Variants in PCDHA9 observed in about 807,000 individuals in gnomAD.
The protein encoded by PCDHA9 is protocadherin alpha-9.
Under a neutral mutation model 62.0 loss-of-function variants are expected in PCDHA9, and 62 were observed. The ratio of observed to expected loss-of-function variants is 1.00; its 90% CI spans 0.81 to 1.23. The LOEUF (loss-of-function observed/expected upper bound fraction) is 1.23, where lower values mean the gene tolerates loss of function less well. Ranked by LOEUF, PCDHA9 falls within the 50% of genes most tolerant of loss-of-function variation. The pLI is 0.00. For missense variants in PCDHA9, 1,205 were observed against 1,249.8 expected (o/e 0.96, Z 0.54); for synonymous variants, 557 against 567.6 (o/e 0.98, Z 0.27).
chr5:140,958,637 A>G (rs2095435071), intron 1 of PCDHA9, among the ~76,000 whole-genome samples: 1 of 152,192 alleles, frequency 6.6e-6, no homozygotes. Flanking sequence ...TACTGCAGAA[A>G]ACCAATCACA....
intron 3 of PCDHA9, among the ~76,000 whole-genome samples, chr5:140,985,879 A>G (rs539308826): frequency 6.6e-6 from 1 of 151,504 alleles, no homozygotes; most frequent in Non-Finnish European, 1.5e-5. Context: ...AGCTGGGACT[A>G]CAGGCGCCCG....
chr5:140,886,327 A>G (rs2060943233), intron 1 of PCDHA9, among the ~76,000 whole-genome samples: 1 of 152,162 alleles, frequency 6.6e-6, no homozygotes, highest in Admixed American at 6.5e-5. Flanking sequence ...GTTCTGGGAT[A>G]CATGTGCAGA....
At chr5:140,884,533 G>T in intron 1 of PCDHA9, 1 of 1,614,082 alleles carries the variant, frequency 6.2e-7, no homozygotes, top group Non-Finnish European at 8.5e-7. Flanking sequence ...AGCAGAGGCG[G>T]CCGAGGGTGT....
chr5:140,898,321 G>T (rs370229202), intron 1 of PCDHA9, among the ~76,000 whole-genome samples: 1 of 151,946 alleles, frequency 6.6e-6, no homozygotes. Context: ...TTATGGTTTT[G>T]GGTCTAACGT....
intron 1 of PCDHA9, chr5:140,866,014 C>A (rs187025106): frequency 1.3e-5 from 2 of 152,026 alleles, no homozygotes; most frequent in East Asian, 3.9e-4. Flanking sequence ...TGATTTTTTT[C>A]TTGTAAGAGT....
At chr5:140,925,643 T>TAATAATAATAAG (rs1195362666) in intron 1 of PCDHA9, among the ~76,000 whole-genome samples, 1 of 99,548 alleles carries the variant, frequency 1.0e-5, no homozygotes, top group Non-Finnish European at 2.0e-5. Context: ...ACTTAAAGTA[T>TAATAATAATAAG]AATAATAATA....
At chr5:140,877,614 G>A (rs2153354451) in intron 1 of PCDHA9, 3 of 1,613,850 alleles carry the variant, frequency 1.9e-6, no homozygotes, top group Middle Eastern at 3.3e-4. Context: ...TGGTGCTCAC[G>A]CTGCTGCTGT....
Position 140,858,234 on chromosome 5 carries a change from C to T in PCDHA9, c.2394+7345C>T, listed in dbSNP as rs782153266. 3 of 1,596,216 alleles carry T rather than the reference C, an allele frequency of 1.9e-6. No homozygotes were observed. The highest frequency in any genetic ancestry group is 3.4e-5 in the Admixed American group (2 of 59,220). ...TGCTCGGCGGCGCCCACCGAGGGCGCATGTGGGCCGGTGAAGCCCACGCTG... is the reference window on the plus strand; with the variant it reads ...TGCTCGGCGGCGCCCACCGAGGGCGTATGTGGGCCGGTGAAGCCCACGCTG... On this transcript the variant is annotated intron_variant, in intron 1 of 3. Coordinates refer to ENST00000532602, the MANE Select transcript of PCDHA9 (RefSeq NM_031857.2).
chr5:140,951,149 T>C (rs911841540), intron 1 of PCDHA9, among the ~76,000 whole-genome samples: 8 of 100,620 alleles, frequency 8.0e-5, no homozygotes, highest in African/African-American at 3.8e-4. Context: ...TCTTATTGAA[T>C]ATAGTTATAG....
At position 140,850,379 on chromosome 5, in the gene PCDHA9, G is replaced by T. The variant is rs2150481547; in HGVS notation, c.1884G>T (p.Thr628=). The change falls in exon 1 of 4, where the codon ACG becomes ACT. Residue 628 remains threonine (T), a synonymous_variant. Coordinates refer to ENST00000532602, the MANE Select transcript of PCDHA9 (RefSeq NM_031857.2). ...ASIPFRVGLY[T]GEISTTRALD... ...TCCCGTTCCGCGTGGGGCTGTACAC[G>T]GGCGAGATCAGCACAACGCGTGCCC... is the stretch of plus-strand genomic sequence containing the variant. 2.0e-5 allele frequency: 32 copies of T among 1,597,786 alleles called. 2 individuals carry two copies. Among genetic ancestry groups the T allele is most frequent in the Admixed American group, 3.4e-5 (2 of 59,250 alleles).
Position 140,929,404 on chromosome 5 carries a change from G to A in PCDHA9, c.2395-49545G>A, listed in dbSNP as rs530409256. 1.4e-5 allele frequency: 21 copies of A among 1,506,596 alleles called. No individual in the cohort carries two copies. The South Asian group carries it at 1.9e-4, about 14-fold the overall frequency. The allele number at this position is 1,506,596 out of a possible 1,614,324, so 93.3% of individuals were successfully genotyped here. A position where few individuals can be genotyped will look rare whatever the true frequency, so the allele number is the denominator to read the frequency against. ...GTGTTTTGAAATATTTCTTAGACAAGCCTTTCACAACATTTCATCAATTGA... is the reference window on the plus strand; with the variant it reads ...GTGTTTTGAAATATTTCTTAGACAAACCTTTCACAACATTTCATCAATTGA... On this transcript the variant is annotated intron_variant, in intron 1 of 3. Coordinates refer to ENST00000532602, the MANE Select transcript of PCDHA9 (RefSeq NM_031857.2).
At position 141,003,197 on chromosome 5, in the gene PCDHA9, C is replaced by T. The variant is rs77453404; in HGVS notation, c.2543-6430C>T. 6.7e-3 allele frequency among the ~76,000 whole-genome samples: 1,024 copies of T among 152,320 alleles called. 13 individuals are homozygous for T. Among genetic ancestry groups the T allele is most frequent in the African/African-American group, 0.024 (986 of 41,560 alleles). On this transcript the variant is annotated intron_variant, in intron 3 of 3. Transcript: ENST00000532602. ...GGCTCAACTCCATCAACTCAGGCAGCCAGGGTTAGTTTAGCATGAAAGAGG... is the reference window on the plus strand; with the variant it reads ...GGCTCAACTCCATCAACTCAGGCAGTCAGGGTTAGTTTAGCATGAAAGAGG...
intron 1 of PCDHA9, chr5:140,856,768 C>T: frequency 6.3e-7 from 1 of 1,596,818 alleles, no homozygotes; most frequent in African/African-American, 1.3e-5. Context: ...ACGCCCCTAT[C>T]TTTGACAGAC....
At chr5:140,993,107 A>G (rs2097540621) in intron 3 of PCDHA9, among the ~76,000 whole-genome samples, 1 of 152,218 alleles carries the variant, frequency 6.6e-6, no homozygotes, top group South Asian at 2.1e-4. Context: ...TTCAGCGGTC[A>G]GTGTCACATC....
At position 140,870,104 on chromosome 5, in the gene PCDHA9, C is replaced by G. The variant is rs782066407; in HGVS notation, c.2394+19215C>G. 3.1e-6 allele frequency: 5 copies of G among 1,613,930 alleles called. No individual in the cohort carries two copies. The Admixed American group carries it at 8.3e-5, about 27-fold the overall frequency. ...ACTCCCCCAATGGCAGGTCACTGTACAGTCTGGGTGGAAATCTTGGACACC... is the reference window on the plus strand; with the variant it reads ...ACTCCCCCAATGGCAGGTCACTGTAGAGTCTGGGTGGAAATCTTGGACACC... On this transcript the variant is annotated intron_variant, in intron 1 of 3. Coordinates refer to ENST00000532602, the MANE Select transcript of PCDHA9 (RefSeq NM_031857.2).
intron 1 of PCDHA9, among the ~76,000 whole-genome samples, chr5:140,896,328 A>G (rs1157543991): frequency 6.6e-6 from 1 of 152,138 alleles, no homozygotes; most frequent in Non-Finnish European, 1.5e-5. Flanking sequence ...CACAGTGGCT[A>G]AACTAATTTA....
At chr5:140,954,968 G>T (rs531304394) in intron 1 of PCDHA9, among the ~76,000 whole-genome samples, 4 of 152,200 alleles carry the variant, frequency 2.6e-5, no homozygotes, top group African/African-American at 9.6e-5. Context: ...TAAGGAAAGG[G>T]TCCAGTTTCA....
intron 3 of PCDHA9, 24 bp from the exon 4 acceptor site, chr5:141,009,603 G>A (rs1554262223): frequency 1.2e-6 from 2 of 1,608,568 alleles, no homozygotes; most frequent in African/African-American, 2.7e-5. Context: ...CCCTGTTAAT[G>A]ATTTGTAATG....
Position 140,876,759 on chromosome 5 carries a change from T to C in PCDHA9, c.2394+25870T>C, listed in dbSNP as rs782783090. The C allele has an allele frequency of 1.2e-5, 19 of 1,614,028 alleles. No homozygotes were observed. In the Admixed American group the frequency reaches 2.8e-4, roughly 24 times the overall value. Reference sequence around the variant, plus strand: ...ATGAGCTGGTGGTGACTGCGCGGGATGGGGGCTCGCCTTCGCTGTGGGCCA... The same window carrying C: ...ATGAGCTGGTGGTGACTGCGCGGGACGGGGGCTCGCCTTCGCTGTGGGCCA... On this transcript the variant is annotated intron_variant, in intron 1 of 3. Transcript: ENST00000532602.
Sources: allele counts gnomAD v4.1 joint callset (sites outside exome capture counted in the v4.1 genomes callset), GRCh38; gene constraint gnomAD v4.1.1; transcripts MANE v1.5; gene names NCBI Gene and HGNC (gene_info 2026-07-23, HGNC 2026-07-21).